ZNF154: variants seen among roughly 807,000 people sequenced by gnomAD.
ZNF154 encodes zinc finger protein 154 (pHZ-92).
In ZNF154, 6 loss-of-function variants were observed where a neutral mutation model predicts 7.5. The ratio of observed to expected loss-of-function variants is 0.80; its 90% confidence interval spans 0.44 to 1.57. ZNF154 has a LOEUF of 1.57. Among genes scored for constraint, ZNF154 ranks in the 40% most tolerant of loss-of-function variants. The probability of loss-of-function intolerance (pLI) is 0.01; values close to 1 mark genes in which losing one functional copy is unlikely to be tolerated. For missense variants in ZNF154, 485 were observed against 531.4 expected, an observed-to-expected ratio of 0.91 and a Z score of 0.86; for synonymous variants, 187 against 185.9, an observed-to-expected ratio of 1.01 and a Z score of -0.05.
chr19:57,701,416 G>C lies in ZNF154; in HGVS notation c.*219C>G, dbSNP rs1181213467. 3 of 576,440 alleles carry C rather than the reference G, an allele frequency of 5.2e-6. No individual in the cohort carries two copies. Among genetic ancestry groups the C allele is most frequent in the Non-Finnish European group, 9.2e-6 (3 of 325,762 alleles). The allele number at this position is 576,440 out of a possible 1,614,324, so 35.7% of individuals were successfully genotyped here. A position where few individuals can be genotyped will look rare whatever the true frequency, so the allele number is the denominator to read the frequency against. The stretch of plus-strand genomic sequence containing the variant: ...AATTTATGCAGATGTTCAGATATAG[G>C]ATGTTCAATTCAGGCTGATGCCACC... On this transcript the variant is annotated 3_prime_UTR_variant, in exon 3 of 3. Coordinates refer to ENST00000684351, the MANE Select transcript of ZNF154 (RefSeq NM_001085384.3).
At position 57,707,113 on chromosome 19, in the gene ZNF154, C is replaced by CAAAAAAA. The variant is rs1282058157; in HGVS notation, c.33+1819_33+1825dup. ...GGGCAACAAGAGAGACACTCCATCT[C>CAAAAAAA]AAAAAAAAAAAAAAAAAATAGAACA... On this transcript the variant is annotated intron_variant, in intron 1 of 2. Coordinates refer to ENST00000684351, the MANE Select transcript of ZNF154 (RefSeq NM_001085384.3). Among the ~76,000 whole-genome samples the CAAAAAAA allele has an allele frequency of 2.0e-3, 193 of 94,154 alleles. 1 individual carries two copies. Among genetic ancestry groups the CAAAAAAA allele is most frequent in the African/African-American group, 3.5e-3 (80 of 22,834 alleles). 61.8% of individuals were successfully genotyped at this position (94,154 alleles called of 152,430 possible).
At chr19:57,705,529 G>A (rs1421741701) in intron 1 of ZNF154, among the ~76,000 whole-genome samples, 1 of 152,192 alleles carries the variant, frequency 6.6e-6, no homozygotes, top group African/African-American at 2.4e-5. Flanking sequence ...GCCAAGACGG[G>A]TGGATCACGA....
chr19:57,704,473 CAAT>C (rs1985306139), intron 2 of ZNF154, among the ~76,000 whole-genome samples: 1 of 152,156 alleles, frequency 6.6e-6, no homozygotes, highest in Non-Finnish European at 1.5e-5. Flanking sequence ...ATGTCAGTGA[CAAT>C]AACTCCTGGC....
rs1984909197 is a variant in ZNF154, at chr19:57,696,719, G to A, written c.*4916C>T. Among the ~76,000 whole-genome samples, 1 of 152,150 alleles carries A rather than the reference G, an allele frequency of 6.6e-6. No individual in the cohort carries two copies. The highest frequency in any genetic ancestry group is 6.5e-5 in the Admixed American group (1 of 15,274). ...ACAGTTTCAGTGTTGAGGCAGAGTGGCAAAGACAAGAGACCCACAGCACCC... is the reference window on the plus strand; with the variant it reads ...ACAGTTTCAGTGTTGAGGCAGAGTGACAAAGACAAGAGACCCACAGCACCC... On this transcript the variant is annotated 3_prime_UTR_variant, in exon 3 of 3. Transcript: ENST00000684351.
intron 2 of ZNF154, among the ~76,000 whole-genome samples, chr19:57,703,190 A>G (rs1298248312): frequency 6.6e-6 from 1 of 152,166 alleles, no homozygotes; most frequent in Non-Finnish European, 1.5e-5. Flanking sequence ...ATTCTAGGAT[A>G]AAGATTACAA....
Position 57,701,655 on chromosome 19 carries a change from GATGTTTA to G in ZNF154, c.1287_1293del (p.Lys430ArgfsTer42). 6.2e-7 allele frequency: 1 copy of G among 1,612,402 alleles called. No individual in the cohort carries two copies. Among genetic ancestry groups the G allele is most frequent in the Non-Finnish European group, 8.5e-7 (1 of 1,178,540 alleles). On this transcript the variant is annotated frameshift_variant, in exon 3 of 3. Coordinates refer to ENST00000684351, the MANE Select transcript of ZNF154 (RefSeq NM_001085384.3). LOFTEE classifies it low-confidence loss of function (END_TRUNC). ...GGCTTTTATCGACTATGAATTCTCT[GATGTTTA>G]ATAAGGCTGGAGTTATGGCTAAAGG...
chr19:57,701,419 G>T lies in ZNF154; in HGVS notation c.*216C>A. ...TTATGCAGATGTTCAGATATAGGATGTTCAATTCAGGCTGATGCCACCCTC... is the reference window on the plus strand; with the variant it reads ...TTATGCAGATGTTCAGATATAGGATTTTCAATTCAGGCTGATGCCACCCTC... On this transcript the variant is annotated 3_prime_UTR_variant, in exon 3 of 3. Transcript: ENST00000684351. 1.7e-6 allele frequency: 1 copy of T among 582,548 alleles called. No homozygotes were observed. Among genetic ancestry groups the T allele is most frequent in the Non-Finnish European group, 3.0e-6 (1 of 330,150 alleles). The allele number at this position is 582,548 out of a possible 1,614,324, so 36.1% of individuals were successfully genotyped here. A position where few individuals can be genotyped will look rare whatever the true frequency, so the allele number is the denominator to read the frequency against.
At position 57,701,666 on chromosome 19, in the gene ZNF154, A is replaced by T; in HGVS notation, c.1283T>A (p.Leu428His). 1.2e-6 allele frequency: 2 copies of T among 1,613,086 alleles called. No homozygotes were observed. Among genetic ancestry groups the T allele is most frequent in the Non-Finnish European group, 1.7e-6 (2 of 1,179,080 alleles). Reference sequence around the variant, plus strand: ...ACTATGAATTCTCTGATGTTTAATAAGGCTGGAGTTATGGCTAAAGGATTT... The same window carrying T: ...ACTATGAATTCTCTGATGTTTAATATGGCTGGAGTTATGGCTAAAGGATTT... ...CGKSFSHNSSLIKHQRIHSR is the reference protein window; with the variant it reads ...CGKSFSHNSSHIKHQRIHSR The change falls in exon 3 of 3, where the codon CTT (leucine) becomes CAT (histidine). Residue 428 changes from leucine to histidine, a missense_variant. By Grantham distance (99) the Leu-to-His change is moderately conservative (BLOSUM62 -3). Transcript: ENST00000684351.
rs1337007499 is a variant in ZNF154 at position 57,700,539 on chromosome 19, T to C, written c.*1096A>G. On this transcript the variant is annotated 3_prime_UTR_variant, in exon 3 of 3. Transcript: ENST00000684351. The stretch of plus-strand genomic sequence containing the variant: ...ACAATTATAATTCCTACTATAATCT[T>C]ACCACCTGTGGTGCTACCCTGTGGA... 1 of 152,230 alleles carries C rather than the reference T, an allele frequency of 6.6e-6. No homozygotes were observed. The highest frequency in any genetic ancestry group is 1.5e-5 in the Non-Finnish European group (1 of 68,040). The allele number at this position is 152,230 out of a possible 1,614,324, so 9.4% of individuals were successfully genotyped here.
rs1405864822 is a variant in ZNF154 at position 57,701,572 on chromosome 19, G to A, written c.*63C>T. The A allele has an allele frequency of 1.1e-5, 17 of 1,527,910 alleles. No individual in the cohort carries two copies. Among genetic ancestry groups the A allele is most frequent in the Non-Finnish European group, 1.5e-5 (17 of 1,124,874 alleles). 94.6% of individuals were successfully genotyped at this position (1,527,910 alleles called of 1,614,324 possible). A position where few individuals can be genotyped will look rare whatever the true frequency, so the allele number is the denominator to read the frequency against. On this transcript the variant is annotated 3_prime_UTR_variant, in exon 3 of 3. Transcript: ENST00000684351. ...CAGCTGAAGCTTTCTGACATTCACTGTGTACTCAAGGACTTTCTCCAGGGT... is the reference window on the plus strand; with the variant it reads ...CAGCTGAAGCTTTCTGACATTCACTATGTACTCAAGGACTTTCTCCAGGGT...
chr19:57,700,401 A>G lies in ZNF154; in HGVS notation c.*1234T>C, dbSNP rs1264588724. 1 of 152,246 alleles carries G rather than the reference A, an allele frequency of 6.6e-6. No individual in the cohort carries two copies. Among genetic ancestry groups the G allele is most frequent in the East Asian group, 1.9e-4 (1 of 5,206 alleles). The allele number at this position is 152,246 out of a possible 1,614,324, so 9.4% of individuals were successfully genotyped here. ...GTCCTGAGGATTTCTGTACCTGCTC[A>G]TCCTTAAGAGCCATAATAACGAACA... On this transcript the variant is annotated 3_prime_UTR_variant, in exon 3 of 3. Coordinates refer to ENST00000684351, the MANE Select transcript of ZNF154 (RefSeq NM_001085384.3).
rs370830802 is a variant in ZNF154 at position 57,702,616 on chromosome 19, G to A, written c.333C>T (p.His111=). The change falls in exon 3 of 3, where the codon CAC becomes CAT. Residue 111 remains histidine (H), a synonymous_variant. Coordinates refer to ENST00000684351, the MANE Select transcript of ZNF154 (RefSeq NM_001085384.3). The part of the protein sequence containing the change: ...KLGFLHQQAA[H]TGEQSNSKSD... ...TTTTGCTATTTGATTGCTCCCCAGT[G>A]TGAGCAGCCTGTTGATGGAGAAATC... 3 of 1,614,170 alleles carry A rather than the reference G, an allele frequency of 1.9e-6. No homozygotes were observed. Among genetic ancestry groups the A allele is most frequent in the South Asian group, 2.2e-5 (2 of 91,084 alleles).
Position 57,696,458 on chromosome 19 carries a change from T to A in ZNF154, c.*5177A>T, listed in dbSNP as rs140292058. Among the ~76,000 whole-genome samples the A allele has an allele frequency of 2.0e-5, 3 of 152,222 alleles. No homozygotes were observed. Among genetic ancestry groups the A allele is most frequent in the Non-Finnish European group, 4.4e-5 (3 of 68,020 alleles). ...GGATCCCAGAGAGTACTGTGAGCAC[T>A]CCTATTCCACAAACATAAAACTGAG... is the stretch of plus-strand genomic sequence containing the variant. On this transcript the variant is annotated 3_prime_UTR_variant, in exon 3 of 3. Coordinates refer to ENST00000684351, the MANE Select transcript of ZNF154 (RefSeq NM_001085384.3).
At position 57,702,045 on chromosome 19, in the gene ZNF154, C is replaced by G. The variant is rs779936334; in HGVS notation, c.904G>C (p.Glu302Gln). 1.9e-5 allele frequency: 30 copies of G among 1,613,690 alleles called. No homozygotes were observed. The highest frequency in any genetic ancestry group is 2.3e-5 in the Non-Finnish European group (27 of 1,179,930). The change falls in exon 3 of 3, where the codon GAG becomes CAG. Residue 302 changes from glutamate to glutamine, a missense_variant. Coordinates refer to ENST00000684351, the MANE Select transcript of ZNF154 (RefSeq NM_001085384.3). ...QKVHSGSRPY[E>Q]CSECGKSFSQ... ...AATGACTTCCCACATTCGCTGCACT[C>G]ATAAGGCCTGGATCCACTGTGAACT...
Position 57,702,425 on chromosome 19 carries a change from CTG to C in ZNF154, c.522_523del (p.Tyr174Ter). On this transcript the variant is annotated stop_gained and frameshift_variant, in exon 3 of 3. Transcript: ENST00000684351. LOFTEE classifies it low-confidence loss of function (END_TRUNC). ...GTGAAGTCTCCAATGGTCATTGAGA[CTG>C]TAGCTTTTGCTAAAGGATTTCCCAC... The C allele has an allele frequency of 2.5e-6, 4 of 1,614,014 alleles. No individual in the cohort carries two copies. Among genetic ancestry groups the C allele is most frequent in the Non-Finnish European group, 2.5e-6 (3 of 1,179,916 alleles).
chr19:57,703,333 A>T (rs28716595), intron 2 of ZNF154, among the ~76,000 whole-genome samples: 4,534 of 151,928 alleles, frequency 0.03, 210 homozygotes, highest in African/African-American at 0.1. Flanking sequence ...TAAAAATACA[A>T]AAATTAGCTG....
At chr19:57,708,077 G>A (rs970715495) in intron 1 of ZNF154, among the ~76,000 whole-genome samples, 10 of 152,102 alleles carry the variant, frequency 6.6e-5, no homozygotes, top group Non-Finnish European at 1.0e-4. Flanking sequence ...CATCCCTGGT[G>A]AGGCTAGATG....
rs1184869952 is a variant in ZNF154, at chr19:57,697,606, G to A, written c.*4029C>T. 1 of 152,076 alleles carries A rather than the reference G, an allele frequency of 6.6e-6. No individual in the cohort carries two copies. The highest frequency in any genetic ancestry group is 2.4e-5 in the African/African-American group (1 of 41,384). The allele number at this position is 152,076 out of a possible 1,614,324, so 9.4% of individuals were successfully genotyped here. ...AATATATTTGTGTGATTTTTTGGGG[G>A]GTTATAAAAGAGCCTTTACATTTTA... On this transcript the variant is annotated 3_prime_UTR_variant, in exon 3 of 3. Coordinates refer to ENST00000684351, the MANE Select transcript of ZNF154 (RefSeq NM_001085384.3).
In ZNF154 at chr19:57,702,122, C is replaced by G; in HGVS notation, c.827G>C (p.Ser276Thr). Reference protein sequence around the residue: ...VHTGERPYECSECGKFFTYHS... With the variant: ...VHTGERPYECTECGKFFTYHS... ...ATATGTAAAAAACTTCCCACATTCACTGCACTCATAAGGCCTCTCCCCAGT... is the reference window on the plus strand; with the variant it reads ...ATATGTAAAAAACTTCCCACATTCAGTGCACTCATAAGGCCTCTCCCCAGT... Residue 276 changes from serine (S) to threonine (T), a missense_variant, in exon 3 of 3, where the codon AGT (serine) becomes ACT (threonine). By Grantham distance (58) the Ser-to-Thr change is moderately conservative (BLOSUM62 1). Coordinates refer to ENST00000684351, the MANE Select transcript of ZNF154 (RefSeq NM_001085384.3). The G allele has an allele frequency of 6.2e-7, 1 of 1,613,404 alleles. No homozygotes were observed. The highest frequency in any genetic ancestry group is 8.5e-7 in the Non-Finnish European group (1 of 1,179,898).
Sources: gnomAD v4.1 joint callset for allele counts (sites outside exome capture counted in the v4.1 genomes callset) on GRCh38, gnomAD v4.1.1 for gene constraint, MANE v1.5 for transcripts, NCBI Gene and HGNC (gene_info 2026-07-23, HGNC 2026-07-21) for gene names.